DOCK10: variants seen among roughly 807,000 people sequenced by gnomAD.
DOCK10 encodes dedicator of cytokinesis protein 10.
Under a neutral mutation model 280.1 loss-of-function variants are expected in DOCK10, and 145 were observed. The observed-to-expected ratio is 0.52, with a 90% CI of 0.45 to 0.59. The LOEUF is 0.59. Ranked by LOEUF, DOCK10 falls within the 20% of genes least tolerant of loss-of-function variation. The pLI, the probability that DOCK10 is intolerant of heterozygous loss-of-function variation, is 0.00. For synonymous variants in DOCK10, 915 were observed against 942.2 expected (o/e 0.97, Z 0.53); for missense variants, 2,368 against 2,651.7 (o/e 0.89, Z 2.35).
At chr2:224,774,804 C>T in intron 52 of DOCK10, 101 bp downstream of exon 52, 4 of 1,101,354 alleles carry the variant, frequency 3.6e-6, no homozygotes, top group Non-Finnish European at 5.3e-6. Flanking sequence ...GGGTACTTCT[C>T]TGCAGGACTG....
chr2:225,041,479 G>C (rs1268852553), intron 1 of DOCK10, among the ~76,000 whole-genome samples: 3 of 152,172 alleles, frequency 2.0e-5, no homozygotes, highest in Non-Finnish European at 4.4e-5. Context: ...CCTAGCATCA[G>C]ATGCTGGCTG....
intron 30 of DOCK10, 118 bp from the exon 31 acceptor site, chr2:224,814,482 C>A (rs1386606593): frequency 5.6e-5 from 27 of 480,888 alleles, no homozygotes; most frequent in Non-Finnish European, 7.9e-5. Flanking sequence ...AAATGTGAGT[C>A]TTCAGTATTG....
At position 225,035,581 on chromosome 2, in the gene DOCK10, TATATATAA is replaced by T. The variant is rs1219366275; in HGVS notation, c.123+6663_123+6670del. On this transcript the variant is annotated intron_variant, in intron 1 of 55. Transcript: ENST00000258390. ...ATATATATATATATATATATATATA[TATATATAA>T]CACTGAATCAGTGTTAATTGTGTGT... is the stretch of plus-strand genomic sequence containing the variant. 1.0e-3 allele frequency among the ~76,000 whole-genome samples: 112 copies of T among 111,858 alleles called. 4 individuals carry two copies. The highest frequency in any genetic ancestry group is 4.7e-3 in the African/African-American group (109 of 23,266). The allele number at this position is 111,858 out of a possible 152,430, so 73.4% of individuals were successfully genotyped here. A position where few individuals can be genotyped will look rare whatever the true frequency, so the allele number is the denominator to read the frequency against.
intron 27 of DOCK10, among the ~76,000 whole-genome samples, chr2:224,824,857 G>A (rs1007312047): frequency 3.3e-5 from 5 of 152,212 alleles, no homozygotes; most frequent in East Asian, 1.9e-4. Context: ...TCTAAATTGT[G>A]AGCACCCAGA....
chr2:224,923,748 T>C (rs759391249), intron 2 of DOCK10, among the ~76,000 whole-genome samples: 10 of 152,238 alleles, frequency 6.6e-5, no homozygotes, highest in Non-Finnish European at 1.3e-4. Context: ...TCCAAAAGTC[T>C]TTTTCTTTCC....
chr2:224,918,364 TG>T (rs1341359541), intron 2 of DOCK10, among the ~76,000 whole-genome samples: 1 of 144,136 alleles, frequency 6.9e-6, no homozygotes, highest in Non-Finnish European at 1.5e-5. Context: ...TGCAATTGGG[TG>T]GGTGTGTCTG....
At chr2:224,890,526 C>T (rs1410980137) in intron 4 of DOCK10, among the ~76,000 whole-genome samples, 4 of 152,188 alleles carry the variant, frequency 2.6e-5, no homozygotes, top group Non-Finnish European at 2.9e-5. Context: ...ACCAACTCAG[C>T]TCAGAATGCC....
At chr2:224,877,876 A>T (rs1417703182) in intron 7 of DOCK10, among the ~76,000 whole-genome samples, 1 of 152,218 alleles carries the variant, frequency 6.6e-6, no homozygotes, top group African/African-American at 2.4e-5. Context: ...ATTACTGAAG[A>T]TACTTCATCT....
In DOCK10 at chr2:225,029,454, G is replaced by A. The variant is rs1278230165; in HGVS notation, c.123+12798C>T. Among the ~76,000 whole-genome samples, 5 of 152,302 alleles carry A rather than the reference G, an allele frequency of 3.3e-5. No individual in the cohort carries two copies. The East Asian group carries it at 5.8e-4, about 18-fold the overall frequency. On this transcript the variant is annotated intron_variant, in intron 1 of 55. Coordinates refer to ENST00000258390, the MANE Select transcript of DOCK10 (RefSeq NM_014689.3). ...CCCATAGTGCTGGGATTACAGGCATGAGCCACCATGCCCGGCCTCTTTATC... is the reference window on the plus strand; with the variant it reads ...CCCATAGTGCTGGGATTACAGGCATAAGCCACCATGCCCGGCCTCTTTATC...
intron 1 of DOCK10, among the ~76,000 whole-genome samples, chr2:225,023,911 G>A (rs558841714): frequency 1.3e-5 from 2 of 152,286 alleles, no homozygotes; most frequent in East Asian, 1.9e-4. Flanking sequence ...AGTTACAGAA[G>A]GGAACCTAGT....
At chr2:224,919,356 TGTG>T (rs1207619327) in intron 2 of DOCK10, among the ~76,000 whole-genome samples, 2 of 146,612 alleles carry the variant, frequency 1.4e-5, no homozygotes, top group African/African-American at 5.1e-5. Context: ...GTATGTGTGA[TGTG>T]TGTCTGTATA....
Position 224,770,204 on chromosome 2 carries a change from C to G in DOCK10, c.6444+7G>C, listed in dbSNP as rs201932678. 6.4e-7 allele frequency: 1 copy of G among 1,552,806 alleles called. No individual in the cohort carries two copies. Among genetic ancestry groups the G allele is most frequent in the African/African-American group, 1.4e-5 (1 of 73,122 alleles). Reference sequence around the variant, plus strand: ...CTGATAGCGCGTGTGCACCAAGGAGCGCTCACCTGCTCATTCATGACTGTG... The same window carrying G: ...CTGATAGCGCGTGTGCACCAAGGAGGGCTCACCTGCTCATTCATGACTGTG... On this transcript the variant is annotated splice_region_variant and intron_variant, in intron 55 of 55. Coordinates refer to ENST00000258390, the MANE Select transcript of DOCK10 (RefSeq NM_014689.3). This position sits in a 1 kb window ranked among gnomAD's most constrained non-coding sequence, Gnocchi z 4.5.
At chr2:224,968,374 G>T (rs551876776) in intron 1 of DOCK10, among the ~76,000 whole-genome samples, 3 of 152,218 alleles carry the variant, frequency 2.0e-5, no homozygotes, top group Admixed American at 1.3e-4. Context: ...CAGGGCAGGT[G>T]TGGGGCCTGA....
At chr2:224,881,257 T>C (rs1372329475) in intron 7 of DOCK10, among the ~76,000 whole-genome samples, 1 of 152,092 alleles carries the variant, frequency 6.6e-6, no homozygotes, top group East Asian at 1.9e-4. Flanking sequence ...ATATTTGTTT[T>C]GTTTTTTTTT....
intron 1 of DOCK10, among the ~76,000 whole-genome samples, chr2:225,008,469 T>C (rs573007204): frequency 2.0e-5 from 3 of 152,242 alleles, no homozygotes; most frequent in African/African-American, 4.8e-5. Context: ...TTAGCATTTA[T>C]GGGTTTCAGT....
intron 3 of DOCK10, among the ~76,000 whole-genome samples, chr2:224,903,532 T>C (rs1700429571): frequency 6.6e-6 from 1 of 152,216 alleles, no homozygotes. Flanking sequence ...GTAGACTTTT[T>C]GACCTGGGAA....
intron 1 of DOCK10, among the ~76,000 whole-genome samples, chr2:224,993,782 TTGGCTCCAGGA>T (rs1706194678): frequency 6.6e-6 from 1 of 152,150 alleles, no homozygotes. Flanking sequence ...CAAATGGAGA[TTGGCTCCAGGA>T]TTGCTGGGTT....
chr2:224,921,641 G>C (rs896184607), intron 2 of DOCK10, among the ~76,000 whole-genome samples: 1 of 152,172 alleles, frequency 6.6e-6, no homozygotes, highest in African/African-American at 2.4e-5. Context: ...GGAACCATGT[G>C]ATAAATCTAA....
chr2:224,798,782 C>T (rs180745007), intron 41 of DOCK10, among the ~76,000 whole-genome samples: 225 of 152,138 alleles, frequency 1.5e-3, no homozygotes, highest in African/African-American at 5.0e-3. Context: ...CAGGCATGTG[C>T]CACCATAGTT....
Sources: allele counts gnomAD v4.1 joint callset (sites outside exome capture counted in the v4.1 genomes callset), GRCh38; gene constraint gnomAD v4.1.1; non-coding constraint Gnocchi (gnomAD v3.1); transcripts MANE v1.5; gene names NCBI Gene and HGNC (gene_info 2026-07-23, HGNC 2026-07-21).